Variants in ACVR1 observed in about 807,000 individuals in gnomAD.
The protein encoded by ACVR1 is activin receptor type-1.
Under a neutral mutation model 57.1 loss-of-function variants are expected in ACVR1, and 38 were observed. The ratio of observed to expected loss-of-function variants is 0.67; its 90% CI spans 0.51 to 0.87. The LOEUF is 0.87. Among genes scored for constraint, ACVR1 ranks in the 40% least tolerant of loss-of-function variants. The probability of loss-of-function intolerance (pLI) is 0.00; values close to 1 mark genes in which losing one functional copy is unlikely to be tolerated. For missense variants in ACVR1, 463 were observed against 638.2 expected, an observed-to-expected ratio of 0.73 and a Z score of 2.96; for synonymous variants, 212 against 228.1, an observed-to-expected ratio of 0.93 and a Z score of 0.63.
At chr2:157,828,647 T>C (rs1431038818) in intron 1 of ACVR1, among the ~76,000 whole-genome samples, 2 of 152,042 alleles carry the variant, frequency 1.3e-5, no homozygotes, top group Admixed American at 6.6e-5. Flanking sequence ...CCAATCTACC[T>C]CTGTACTGCG....
At chr2:157,799,223 G>T (rs1229862168) in intron 3 of ACVR1, among the ~76,000 whole-genome samples, 1 of 151,940 alleles carries the variant, frequency 6.6e-6, no homozygotes, top group Non-Finnish European at 1.5e-5. Flanking sequence ...AGAAAATTAG[G>T]TTGAATTTTT....
intron 1 of ACVR1, among the ~76,000 whole-genome samples, chr2:157,825,834 A>C (rs1314370512): frequency 6.6e-6 from 1 of 152,214 alleles, no homozygotes; most frequent in African/African-American, 2.4e-5. Context: ...GATTGAGAAC[A>C]AGTGGAAGAG....
intron 3 of ACVR1, among the ~76,000 whole-genome samples, chr2:157,794,099 C>G (rs1687021210): frequency 6.6e-6 from 1 of 152,234 alleles, no homozygotes; most frequent in East Asian, 1.9e-4. Flanking sequence ...TCCAAAGGAG[C>G]AATATTCCCT....
intron 1 of ACVR1, among the ~76,000 whole-genome samples, chr2:157,819,052 T>C (rs1208616708): frequency 1.9e-5 from 2 of 104,960 alleles, no homozygotes; most frequent in Admixed American, 3.2e-4. Context: ...CACTCCAGCC[T>C]GGGTGACAGA....
intron 9 of ACVR1, among the ~76,000 whole-genome samples, chr2:157,740,818 T>C (rs1344723408): frequency 6.6e-6 from 1 of 152,216 alleles, no homozygotes; most frequent in Non-Finnish European, 1.5e-5. Flanking sequence ...AATGTCCCCA[T>C]GTTTTAATAA....
At chr2:157,773,149 A>G (rs1231509789) in intron 6 of ACVR1, among the ~76,000 whole-genome samples, 4 of 152,172 alleles carry the variant, frequency 2.6e-5, no homozygotes, top group African/African-American at 9.6e-5. Context: ...CATTATTGCT[A>G]CTGCAGCCAT....
At position 157,770,467 on chromosome 2, in the gene ACVR1, T is replaced by C; in HGVS notation, c.691A>G (p.Asn231Asp). 1.9e-6 allele frequency: 3 copies of C among 1,613,884 alleles called. No individual in the cohort carries two copies. Among genetic ancestry groups the C allele is most frequent in the Middle Eastern group, 1.7e-4 (1 of 6,060 alleles). Residue 231 changes from asparagine (N) to aspartate (D), a missense_variant, in exon 7 of 11, where the codon AAT becomes GAT. Physicochemically the swap from Asn to Asp is conservative, Grantham distance 23. This residue lies in a region of ACVR1 where 114 missense variants were observed against 216.2 expected (regional missense o/e 0.53). Transcript: ENST00000434821. ...GAGGAGAAGATCTTCACGGCAACATTCTCCCCTTGCCAGCTGCCCCTCCAC... is the reference window on the plus strand; with the variant it reads ...GAGGAGAAGATCTTCACGGCAACATCCTCCCCTTGCCAGCTGCCCCTCCAC... ...EVWRGSWQGE[N>D]VAVKIFSSRD...
At chr2:157,833,676 C>T (rs915357193) in intron 1 of ACVR1, among the ~76,000 whole-genome samples, 5 of 152,014 alleles carry the variant, frequency 3.3e-5, no homozygotes, top group African/African-American at 7.2e-5. Context: ...ATTTCATAAA[C>T]ATTTGTCTAC....
chr2:157,800,207 G>T (rs1687270816), intron 2 of ACVR1, among the ~76,000 whole-genome samples: 1 of 152,168 alleles, frequency 6.6e-6, no homozygotes, highest in Non-Finnish European at 1.5e-5. Flanking sequence ...TTTTCTGGAT[G>T]GTAAAATAAA....
chr2:157,766,006 T>A lies in ACVR1; in HGVS notation c.981A>T (p.Gln327His). The change falls in exon 8 of 11, where the codon CAA becomes CAT. Residue 327 changes from glutamine to histidine, a missense_variant. Physicochemically the swap from Gln to His is conservative, Grantham distance 24. This residue lies in a region of ACVR1 where 114 missense variants were observed against 216.2 expected (regional missense o/e 0.53). Coordinates refer to ENST00000434821, the MANE Select transcript of ACVR1 (RefSeq NM_001111067.4). ...AHLHIEIFGT[Q>H]GKPAIAHRDL... is the part of the protein sequence containing the mutation. The stretch of plus-strand genomic sequence containing the variant: ...CTCGATGGGCAATGGCTGGTTTCCC[T>A]TGGGTCCCAAATATCTCTATGTGCA... The A allele has an allele frequency of 5.0e-6, 8 of 1,614,194 alleles. No individual in the cohort carries two copies. Among genetic ancestry groups the A allele is most frequent in the Non-Finnish European group, 6.8e-6 (8 of 1,180,006 alleles).
At chr2:157,865,496 T>C (rs186995295) in intron 1 of ACVR1, among the ~76,000 whole-genome samples, 11 of 152,234 alleles carry the variant, frequency 7.2e-5, no homozygotes, top group African/African-American at 2.2e-4. Flanking sequence ...GATAGATAGA[T>C]AGACAGACAG....
Position 157,799,235 on chromosome 2 carries a change from A to T in ACVR1, c.67+192T>A, listed in dbSNP as rs72923499. On this transcript the variant is annotated intron_variant, in intron 3 of 10. Coordinates refer to ENST00000434821, the MANE Select transcript of ACVR1 (RefSeq NM_001111067.4). The stretch of plus-strand genomic sequence containing the variant: ...AGTAGAAAATTAGGTTGAATTTTTT[A>T]AAAAAATAGGTGTATGTAAATATTC... Among the ~76,000 whole-genome samples the T allele has an allele frequency of 0.062, 9,506 of 152,178 alleles. 312 individuals are homozygous for T. The highest frequency in any genetic ancestry group is 0.089 in the Non-Finnish European group (6,022 of 67,984).
chr2:157,763,672 T>C lies in ACVR1; in HGVS notation c.1066+2249A>G, dbSNP rs575839623. 9.2e-5 allele frequency among the ~76,000 whole-genome samples: 14 copies of C among 152,274 alleles called. No homozygotes were observed. In the South Asian group the frequency reaches 1.7e-3, roughly 18 times the overall value. On this transcript the variant is annotated intron_variant, in intron 8 of 10. Coordinates refer to ENST00000434821, the MANE Select transcript of ACVR1 (RefSeq NM_001111067.4). ...AGTAGATCGAGGCTGCAGTGACCTA[T>C]GATCAGCCTGGGCAACAGAATAAGA... is the stretch of plus-strand genomic sequence containing the variant.
chr2:157,790,681 A>T (rs2105294321), intron 3 of ACVR1, among the ~76,000 whole-genome samples: 3 of 152,254 alleles, frequency 2.0e-5, no homozygotes, highest in Middle Eastern at 6.8e-3. Context: ...GTTTGCCACC[A>T]TTTAGTTGCT....
chr2:157,743,733 C>T (rs919256101), intron 9 of ACVR1, among the ~76,000 whole-genome samples: 1 of 151,262 alleles, frequency 6.6e-6, no homozygotes, highest in Non-Finnish European at 1.5e-5. Context: ...CACTGACACA[C>T]GTCCATTCAG....
At chr2:157,752,064 C>T (rs182089147) in intron 9 of ACVR1, among the ~76,000 whole-genome samples, 5 of 152,312 alleles carry the variant, frequency 3.3e-5, no homozygotes, top group Admixed American at 2.0e-4. Flanking sequence ...CATTCCCCTG[C>T]CATATCCACC....
chr2:157,762,140 A>C (rs2105254253), intron 8 of ACVR1, among the ~76,000 whole-genome samples: 1 of 152,314 alleles, frequency 6.6e-6, no homozygotes, highest in African/African-American at 2.4e-5. Flanking sequence ...GATTCTATGG[A>C]CACTGTGAAC....
intron 3 of ACVR1, among the ~76,000 whole-genome samples, chr2:157,793,562 G>T (rs1686999856): frequency 6.6e-6 from 1 of 152,270 alleles, no homozygotes; most frequent in East Asian, 1.9e-4. Context: ...TTACATTCTA[G>T]GTCCCAGTAG....
At chr2:157,740,372 C>A (rs1684706081) in intron 9 of ACVR1, among the ~76,000 whole-genome samples, 2 of 152,000 alleles carry the variant, frequency 1.3e-5, no homozygotes, top group South Asian at 2.1e-4. Flanking sequence ...CTGTAAGGAT[C>A]CCAGGAAACA....
Sources: allele counts gnomAD v4.1 joint callset (sites outside exome capture counted in the v4.1 genomes callset), GRCh38; gene constraint gnomAD v4.1.1; regional missense constraint gnomAD v4.1.1; transcripts MANE v1.5; gene names NCBI Gene and HGNC (gene_info 2026-07-23, HGNC 2026-07-21).